Variants in RORA observed in about 807,000 individuals in gnomAD.
The protein encoded by RORA is RAR related orphan receptor A, also known as nuclear receptor ROR-alpha.
A neutral mutation model predicts 69.5 loss-of-function variants in RORA; 7 were observed. That is an observed-to-expected ratio of 0.10 (90% CI 0.06 to 0.19). The LOEUF is 0.19. Among genes scored for constraint, RORA ranks in the 10% least tolerant of loss-of-function variants. The pLI, the probability that RORA is intolerant of heterozygous loss-of-function variation, is 1.00. For synonymous variants in RORA, 261 were observed against 240.8 expected (o/e 1.08, Z -0.78); for missense variants, 457 against 663.0 (o/e 0.69, Z 3.41).
chr15:60,731,891 C>A (rs951219178), intron 1 of RORA, among the ~76,000 whole-genome samples: 1 of 152,154 alleles, frequency 6.6e-6, no homozygotes, highest in African/African-American at 2.4e-5. Context: ...TCTTTTTCAG[C>A]CAAGTATCTG....
At chr15:60,760,021 G>A (rs1381107061) in intron 1 of RORA, among the ~76,000 whole-genome samples, 1 of 151,734 alleles carries the variant, frequency 6.6e-6, no homozygotes. Context: ...AGTATATGTG[G>A]GCTTTTTTTA....
intron 1 of RORA, among the ~76,000 whole-genome samples, chr15:60,821,301 G>T (rs1365649438): frequency 2.6e-5 from 4 of 152,144 alleles, no homozygotes; most frequent in Non-Finnish European, 5.9e-5. Flanking sequence ...TTTCAGTGCT[G>T]ACTCTTGTCC....
chr15:61,115,695 C>A (rs1426260289), intron 1 of RORA, among the ~76,000 whole-genome samples: 1 of 152,058 alleles, frequency 6.6e-6, no homozygotes, highest in Non-Finnish European at 1.5e-5. Context: ...TCCAAAAAGC[C>A]CTGAGAAGGA....
In RORA at chr15:60,492,449, A is replaced by G. The variant is rs2065059184; in HGVS notation, c.*5006T>C. ...TAGAAGTAAGAATTGTTTTCCATGA[A>G]GGAATTTTTGGTTTGCTTCTAGAGG... On this transcript the variant is annotated 3_prime_UTR_variant, in exon 11 of 11. Transcript: ENST00000335670. 6.6e-6 allele frequency: 1 copy of G among 152,182 alleles called. No individual in the cohort carries two copies. Among genetic ancestry groups the G allele is most frequent in the Non-Finnish European group, 1.5e-5 (1 of 68,010 alleles). The allele number at this position is 152,182 out of a possible 1,614,324, so 9.4% of individuals were successfully genotyped here. A position where few individuals can be genotyped will look rare whatever the true frequency, so the allele number is the denominator to read the frequency against.
intron 1 of RORA, among the ~76,000 whole-genome samples, chr15:60,937,047 A>G (rs993748370): frequency 6.6e-6 from 1 of 152,170 alleles, no homozygotes. Flanking sequence ...CACCATATGG[A>G]GTGCTCTATG....
intron 1 of RORA, among the ~76,000 whole-genome samples, chr15:60,865,646 C>A (rs1158054144): frequency 6.6e-6 from 1 of 152,160 alleles, no homozygotes; most frequent in Admixed American, 6.5e-5. Context: ...TTACATTCAG[C>A]CTGACTCATC....
At chr15:60,931,406 C>T (rs766463552) in intron 1 of RORA, among the ~76,000 whole-genome samples, 3 of 152,268 alleles carry the variant, frequency 2.0e-5, no homozygotes, top group Non-Finnish European at 2.9e-5. Context: ...AATCCCAACT[C>T]ATAGCTGCAG....
chr15:61,019,481 C>G (rs968269692), intron 1 of RORA, among the ~76,000 whole-genome samples: 3 of 152,142 alleles, frequency 2.0e-5, no homozygotes. Flanking sequence ...CAATTTTAAC[C>G]AGGCTTGCAC....
chr15:61,171,735 T>C (rs2079587005), intron 1 of RORA, among the ~76,000 whole-genome samples: 2 of 152,210 alleles, frequency 1.3e-5, no homozygotes, highest in African/African-American at 4.8e-5. Flanking sequence ...ACTGGCTACA[T>C]CTTTAGCAGA....
chr15:61,064,189 C>G (rs2078225371), intron 1 of RORA, among the ~76,000 whole-genome samples: 1 of 152,188 alleles, frequency 6.6e-6, no homozygotes, highest in Admixed American at 6.5e-5. Context: ...GGAGGGAGTG[C>G]CTGTGTGCAA....
At chr15:60,793,088 A>G (rs1196664933) in intron 1 of RORA, among the ~76,000 whole-genome samples, 1 of 151,988 alleles carries the variant, frequency 6.6e-6, no homozygotes, top group Non-Finnish European at 1.5e-5. Flanking sequence ...TAGCTGTGTG[A>G]CCTTGGGCAA....
rs550180991 is a variant in RORA, at chr15:60,804,979, C to T, written c.167-126293G>A. Among the ~76,000 whole-genome samples the T allele has an allele frequency of 2.0e-5, 3 of 152,328 alleles. No individual in the cohort carries two copies. The South Asian group carries it at 6.2e-4, about 32-fold the overall frequency. ...GTAGCTTTAAACACAATTTCCTCAT[C>T]GCCCAAGTAAATCAAGGGAAAATGG... On this transcript the variant is annotated intron_variant, in intron 1 of 10. Transcript: ENST00000335670.
chr15:60,591,771 G>A (rs984695212), intron 2 of RORA, among the ~76,000 whole-genome samples: 1 of 152,098 alleles, frequency 6.6e-6, no homozygotes, highest in Non-Finnish European at 1.5e-5. Context: ...GCTCCGGCCC[G>A]CGCGCTTTCG....
chr15:60,777,613 C>T (rs1402555703), intron 1 of RORA, among the ~76,000 whole-genome samples: 1 of 152,218 alleles, frequency 6.6e-6, no homozygotes, highest in Non-Finnish European at 1.5e-5. Flanking sequence ...CCCCCTATCA[C>T]TGTGGGCTGC....
chr15:60,516,023 A>G (rs2065889326), intron 3 of RORA, among the ~76,000 whole-genome samples: 1 of 11,542 alleles, frequency 8.7e-5, no homozygotes, highest in Non-Finnish European at 1.7e-4. Flanking sequence ...ATATATATTT[A>G]TATATTTATA....
chr15:61,087,968 A>G (rs1253056083), intron 1 of RORA, among the ~76,000 whole-genome samples: 3 of 152,262 alleles, frequency 2.0e-5, no homozygotes, highest in Admixed American at 6.5e-5. Context: ...GATACGGCCT[A>G]CGCCAGCTCC....
intron 1 of RORA, among the ~76,000 whole-genome samples, chr15:60,691,178 T>G (rs2070817495): frequency 6.6e-6 from 1 of 152,180 alleles, no homozygotes; most frequent in African/African-American, 2.4e-5. Context: ...CTCCTTCACA[T>G]CCATTCAGAT....
At position 60,912,606 on chromosome 15, in the gene RORA, T is replaced by C. The variant is rs148391826; in HGVS notation, c.167-233920A>G. Among the ~76,000 whole-genome samples, 1,042 of 151,966 alleles carry C rather than the reference T, an allele frequency of 6.9e-3. 17 individuals carry two copies. The highest frequency in any genetic ancestry group is 0.024 in the African/African-American group (990 of 41,430). On this transcript the variant is annotated intron_variant, in intron 1 of 10. Coordinates refer to ENST00000335670, the MANE Select transcript of RORA (RefSeq NM_134261.3). Reference sequence around the variant, plus strand: ...CATCTCTACTAAAAATACAAAAAATTAGCCAGGCATGGTGGCAGGCGCCTG... The same window carrying C: ...CATCTCTACTAAAAATACAAAAAATCAGCCAGGCATGGTGGCAGGCGCCTG...
chr15:61,058,397 A>T (rs2078125090), intron 1 of RORA, among the ~76,000 whole-genome samples: 1 of 152,186 alleles, frequency 6.6e-6, no homozygotes, highest in Non-Finnish European at 1.5e-5. Context: ...TTTAGGGAAC[A>T]TTAATCTTAC....
Sources: allele counts gnomAD v4.1 joint callset (sites outside exome capture counted in the v4.1 genomes callset), GRCh38; gene constraint gnomAD v4.1.1; transcripts MANE v1.5; gene names NCBI Gene and HGNC (gene_info 2026-07-23, HGNC 2026-07-21).